Variants in CNTN6 observed in about 807,000 individuals in gnomAD.
CNTN6 encodes the protein contactin-6.
A neutral mutation model predicts 122.8 loss-of-function variants in CNTN6; 137 were observed. The ratio of observed to expected loss-of-function variants is 1.12; its 90% confidence interval spans 0.97 to 1.29. The LOEUF is 1.29. CNTN6 is among the 50% of genes most tolerant of loss of function. CNTN6 has a pLI of 0.00. For synonymous variants in CNTN6, 570 were observed against 426.0 expected (o/e 1.34, Z -4.16); for missense variants, 1,634 against 1,223.4 (o/e 1.34, Z -5.01).
At chr3:1,239,837 T>C (rs1056397065) in intron 4 of CNTN6, among the ~76,000 whole-genome samples, 6 of 152,052 alleles carry the variant, frequency 3.9e-5, no homozygotes, top group Non-Finnish European at 5.9e-5. Context: ...CATAGACCAA[T>C]GGAACAGAAT....
chr3:1,111,516 G>C (rs2091479089), intron 1 of CNTN6, among the ~76,000 whole-genome samples: 1 of 152,118 alleles, frequency 6.6e-6, no homozygotes, highest in African/African-American at 2.4e-5. Context: ...GCAGGCTTTT[G>C]CCAAAATTAA....
chr3:1,163,443 G>C (rs1181299301), intron 2 of CNTN6, among the ~76,000 whole-genome samples: 1 of 152,094 alleles, frequency 6.6e-6, no homozygotes, highest in Non-Finnish European at 1.5e-5. Context: ...AATTTGTTTG[G>C]TTCTGCCAGT....
At chr3:1,309,844 A>C (rs2125920402) in intron 7 of CNTN6, among the ~76,000 whole-genome samples, 1 of 152,246 alleles carries the variant, frequency 6.6e-6, no homozygotes, top group Middle Eastern at 3.4e-3. Flanking sequence ...TAAATTCTGA[A>C]ATACTATTTT....
chr3:1,315,343 A>T (rs1699943959), intron 7 of CNTN6, among the ~76,000 whole-genome samples: 1 of 152,044 alleles, frequency 6.6e-6, no homozygotes, highest in Admixed American at 6.6e-5. Flanking sequence ...TAGGAGAAAC[A>T]GTCTATTAGT....
chr3:1,178,115 G>C (rs1012709474), intron 2 of CNTN6, among the ~76,000 whole-genome samples: 1 of 151,904 alleles, frequency 6.6e-6, no homozygotes, highest in Non-Finnish European at 1.5e-5. Flanking sequence ...TGGCCAGGCT[G>C]GTCTTGAACT....
intron 1 of CNTN6, among the ~76,000 whole-genome samples, chr3:1,099,986 C>A (rs1015252952): frequency 6.6e-6 from 1 of 152,102 alleles, no homozygotes; most frequent in African/African-American, 2.4e-5. Flanking sequence ...ATAAACAGGA[C>A]AATGACTTGT....
intron 2 of CNTN6, among the ~76,000 whole-genome samples, chr3:1,157,645 C>T (rs187801888): frequency 5.9e-5 from 9 of 152,260 alleles, no homozygotes; most frequent in African/African-American, 1.2e-4. Flanking sequence ...GTCCCCCTCC[C>T]GCCGTCCCAG....
intron 4 of CNTN6, among the ~76,000 whole-genome samples, chr3:1,273,223 G>T (rs2095054727): frequency 6.6e-6 from 1 of 152,138 alleles, no homozygotes; most frequent in South Asian, 2.1e-4. Flanking sequence ...CGTGCACAAG[G>T]GCAGCCTGGG....
At chr3:1,328,740 C>T (rs1017961789) in intron 10 of CNTN6, among the ~76,000 whole-genome samples, 1 of 151,460 alleles carries the variant, frequency 6.6e-6, no homozygotes, top group Non-Finnish European at 1.5e-5. Context: ...TCTGAAAAGC[C>T]CAGAAGCAAG....
rs1466389151 is a variant in CNTN6, at chr3:1,372,114, TAAG to T, written c.1493-184_1493-182del. ...ATATTTTTAATTTTAGTATAAGTAA[TAAG>T]CTACAATAATAAATACAAGACATTT... On this transcript the variant is annotated intron_variant, in intron 12 of 22. Transcript: ENST00000446702. 6.6e-5 allele frequency among the ~76,000 whole-genome samples: 10 copies of T among 152,248 alleles called. No homozygotes were observed. The East Asian group carries it at 1.9e-3, about 29-fold the overall frequency.
At chr3:1,265,351 TA>T (rs1287125404) in intron 4 of CNTN6, among the ~76,000 whole-genome samples, 2 of 152,166 alleles carry the variant, frequency 1.3e-5, no homozygotes, top group Non-Finnish European at 2.9e-5. Context: ...AATTCCAGTG[TA>T]ACCCAATGAA....
At chr3:1,174,656 T>C (rs973648096) in intron 2 of CNTN6, among the ~76,000 whole-genome samples, 2 of 151,908 alleles carry the variant, frequency 1.3e-5, no homozygotes, top group African/African-American at 4.9e-5. Flanking sequence ...ACTAATCTCC[T>C]AAAATTTCAG....
intron 1 of CNTN6, among the ~76,000 whole-genome samples, chr3:1,100,567 A>T (rs912155590): frequency 6.6e-6 from 1 of 152,046 alleles, no homozygotes; most frequent in Non-Finnish European, 1.5e-5. Context: ...CTCAGCTATT[A>T]TATATTTCAA....
rs149718185 is a variant in CNTN6, at chr3:1,316,942, G to A, written c.762-4708G>A. On this transcript the variant is annotated intron_variant, in intron 7 of 22. Transcript: ENST00000446702. ...AAAATTCTGGGATGAAGTGGGAATTGCTCATTAAAATGCATACATATTTTT... is the reference window on the plus strand; with the variant it reads ...AAAATTCTGGGATGAAGTGGGAATTACTCATTAAAATGCATACATATTTTT... 1.4e-4 allele frequency among the ~76,000 whole-genome samples: 22 copies of A among 151,952 alleles called. No individual in the cohort carries two copies. In the East Asian group the frequency reaches 4.3e-3, roughly 29 times the overall value.
intron 7 of CNTN6, among the ~76,000 whole-genome samples, chr3:1,306,431 A>T (rs1698364084): frequency 6.6e-6 from 1 of 152,194 alleles, no homozygotes; most frequent in African/African-American, 2.4e-5. Context: ...AAATTGAAAG[A>T]TAACATTAAA....
At chr3:1,337,653 G>T (rs1003710064) in intron 11 of CNTN6, among the ~76,000 whole-genome samples, 1 of 152,100 alleles carries the variant, frequency 6.6e-6, no homozygotes, top group African/African-American at 2.4e-5. Context: ...AAGGAAGAAT[G>T]ACAGTCTGCA....
At position 1,235,459 on chromosome 3, in the gene CNTN6, A is replaced by G. The variant is rs573598676; in HGVS notation, c.358+7466A>G. Among the ~76,000 whole-genome samples, 115 of 151,104 alleles carry G rather than the reference A, an allele frequency of 7.6e-4. 2 individuals carry two copies. The highest frequency in any genetic ancestry group is 2.7e-3 in the African/African-American group (112 of 41,364). ...TGTTTATTTATATATAAATAAATAT[A>G]TAATACATATAAAGAGCATTTATAA... On this transcript the variant is annotated intron_variant, in intron 4 of 22. Coordinates refer to ENST00000446702, the MANE Select transcript of CNTN6 (RefSeq NM_001289080.2).
chr3:1,169,744 T>TACC (rs2093325766), intron 2 of CNTN6, among the ~76,000 whole-genome samples: 1 of 152,232 alleles, frequency 6.6e-6, no homozygotes, highest in Admixed American at 6.5e-5. Flanking sequence ...GCTGAGACAC[T>TACC]TCTCACTATG....
chr3:1,245,503 A>G (rs1208996069), intron 4 of CNTN6, among the ~76,000 whole-genome samples: 1 of 149,162 alleles, frequency 6.7e-6, no homozygotes, highest in African/African-American at 2.5e-5. Flanking sequence ...CACAAAGCAT[A>G]AGAATGATAC....
Sources: gnomAD v4.1 joint callset for allele counts (sites outside exome capture counted in the v4.1 genomes callset) on GRCh38, gnomAD v4.1.1 for gene constraint, MANE v1.5 for transcripts, NCBI Gene and HGNC (gene_info 2026-07-23, HGNC 2026-07-21) for gene names.